Variants in TAS2R1 observed in about 807,000 individuals in gnomAD.
The protein encoded by TAS2R1 is taste 2 receptor member 1, also known as taste receptor type 2 member 1.
For missense variants in TAS2R1, 370 were observed against 353.4 expected (o/e 1.05, Z -0.38); for synonymous variants, 141 against 134.2 (o/e 1.05, Z -0.35).
At chr5:9,820,493 CAT>C in the TAS2R1 span, among the ~76,000 whole-genome samples, 1 of 152,124 alleles carries the variant, frequency 6.6e-6, no homozygotes, top group South Asian at 2.1e-4. Context: ...CATAAAATAA[CAT>C]AGAATCACCA....
chr5:9,712,048 G>C (rs1469693440), intron 1 of TAS2R1: 1 of 139,020 alleles, frequency 7.2e-6, no homozygotes, highest in Non-Finnish European at 1.6e-5. Context: ...GGGAGGGAGG[G>C]AGGGAGGGAG....
intron 1 of TAS2R1, among the ~76,000 whole-genome samples, chr5:9,704,816 T>C (rs933776026): frequency 1.3e-5 from 2 of 152,218 alleles, no homozygotes; most frequent in Admixed American, 1.3e-4. Flanking sequence ...ATATTCTTAA[T>C]AGGAATGTAA....
the TAS2R1 span, among the ~76,000 whole-genome samples, chr5:9,783,637 G>A: frequency 6.6e-6 from 1 of 152,064 alleles, no homozygotes; most frequent in Non-Finnish European, 1.5e-5. Flanking sequence ...AAAGAATTTT[G>A]TGCTTTTTTA....
the TAS2R1 span, among the ~76,000 whole-genome samples, chr5:9,726,663 G>A: frequency 1.3e-5 from 2 of 152,236 alleles, no homozygotes; most frequent in East Asian, 3.9e-4. Flanking sequence ...CTCCAGACGC[G>A]CCACCTTAAG....
intron 1 of TAS2R1, among the ~76,000 whole-genome samples, chr5:9,662,000 G>C (rs189670826): frequency 6.6e-6 from 1 of 152,112 alleles, no homozygotes; most frequent in African/African-American, 2.4e-5. Flanking sequence ...TCATGTAGCC[G>C]CACCATGGGG....
chr5:9,793,277 T>C, the TAS2R1 span, among the ~76,000 whole-genome samples: 15 of 152,282 alleles, frequency 9.9e-5, no homozygotes, highest in South Asian at 3.1e-3. Context: ...AAATTAGGAA[T>C]GGCCTAAGCT....
the TAS2R1 span, among the ~76,000 whole-genome samples, chr5:9,862,024 T>C: frequency 2.0e-5 from 3 of 152,180 alleles, no homozygotes; most frequent in African/African-American, 7.2e-5. Flanking sequence ...AACCGAGAAC[T>C]GCTGCCAGAG....
rs1424178534 is a variant in TAS2R1 at position 9,629,932 on chromosome 5, T to A, written c.101A>T (p.Asp34Val). Residue 34 changes from aspartate to valine, a missense_variant, in exon 1 of 1, where the codon GAC becomes GTC. Physicochemically the swap from Asp to Val is radical, Grantham distance 152. Coordinates refer to ENST00000382492, the MANE Select transcript of TAS2R1 (RefSeq NM_019599.3). ...NGIIVVVNGI[D>V]LIKHRKMAPL... Reference sequence around the variant, plus strand: ...AGCCATTTTTCTGTGCTTGATCAAGTCAATGCCATTCACCACCACAATGAT... The same window carrying A: ...AGCCATTTTTCTGTGCTTGATCAAGACAATGCCATTCACCACCACAATGAT... 6.2e-7 allele frequency: 1 copy of A among 1,613,688 alleles called. No individual in the cohort carries two copies. Among genetic ancestry groups the A allele is most frequent in the African/African-American group, 1.3e-5 (1 of 74,874 alleles).
At chr5:9,820,484 A>C in the TAS2R1 span, among the ~76,000 whole-genome samples, 2 of 152,254 alleles carry the variant, frequency 1.3e-5, no homozygotes, top group Non-Finnish European at 2.9e-5. Context: ...CATCAATTTC[A>C]TAAAATAACA....
the TAS2R1 span, among the ~76,000 whole-genome samples, chr5:9,886,905 T>G: frequency 6.6e-6 from 1 of 152,040 alleles, no homozygotes; most frequent in Admixed American, 6.5e-5. Context: ...AACTGGAACA[T>G]CTACGTAACC....
At chr5:9,849,033 C>T in the TAS2R1 span, among the ~76,000 whole-genome samples, 2 of 152,162 alleles carry the variant, frequency 1.3e-5, no homozygotes, top group African/African-American at 2.4e-5. Context: ...TCTTGGAAGG[C>T]GAGACCAGAG....
chr5:9,688,125 A>G (rs1741163804), intron 1 of TAS2R1, among the ~76,000 whole-genome samples: 1 of 152,212 alleles, frequency 6.6e-6, no homozygotes, highest in African/African-American at 2.4e-5. Context: ...CGCATATGAC[A>G]TATTCTAATT....
chr5:9,752,174 G>T, the TAS2R1 span, among the ~76,000 whole-genome samples: 3 of 152,148 alleles, frequency 2.0e-5, no homozygotes, highest in Non-Finnish European at 4.4e-5. Context: ...TACCCATTCT[G>T]GCATTTTCAA....
At chr5:9,651,920 A>G (rs539902065) in intron 2 of TAS2R1, among the ~76,000 whole-genome samples, 1 of 152,260 alleles carries the variant, frequency 6.6e-6, no homozygotes, top group Admixed American at 6.5e-5. Flanking sequence ...TACCAGTGGC[A>G]CACATCACTG....
intron 1 of TAS2R1, among the ~76,000 whole-genome samples, chr5:9,664,528 T>A (rs1283030499): frequency 6.6e-6 from 1 of 152,204 alleles, no homozygotes. Context: ...TTGCTCCTGT[T>A]CTGTTTTCCA....
chr5:9,820,021 C>A, the TAS2R1 span, among the ~76,000 whole-genome samples: 1 of 152,160 alleles, frequency 6.6e-6, no homozygotes, highest in South Asian at 2.1e-4. Context: ...AACCACTTTG[C>A]CATGCCTCAA....
At chr5:9,754,008 A>G in the TAS2R1 span, among the ~76,000 whole-genome samples, 2 of 152,124 alleles carry the variant, frequency 1.3e-5, no homozygotes, top group African/African-American at 4.8e-5. Flanking sequence ...AAAATCCTCA[A>G]TAAAATACTG....
chr5:9,651,786 C>T (rs1412962667), intron 2 of TAS2R1, among the ~76,000 whole-genome samples: 1 of 152,090 alleles, frequency 6.6e-6, no homozygotes, highest in African/African-American at 2.4e-5. Context: ...CTGACTGCCA[C>T]TCAGTAGCGT....
At chr5:9,661,978 A>G (rs867828073) in intron 1 of TAS2R1, among the ~76,000 whole-genome samples, 59 of 152,214 alleles carry the variant, frequency 3.9e-4, no homozygotes, top group African/African-American at 1.3e-3. Flanking sequence ...TGTTGGTTTC[A>G]CCAGGGGTCA....
Sources: gnomAD v4.1 joint callset for allele counts (sites outside exome capture counted in the v4.1 genomes callset) on GRCh38, gnomAD v4.1.1 for gene constraint, MANE v1.5 for transcripts, NCBI Gene and HGNC (gene_info 2026-07-23, HGNC 2026-07-21) for gene names.